The following PYROXD1 variants were observed in gnomAD, a reference collection of about 807,000 sequenced individuals.
PYROXD1 encodes the protein tRNA ligase complex-associated NAD(P)H dehydrogenase PYROXD1.
Under a neutral mutation model 62.0 loss-of-function variants are expected in PYROXD1, and 42 were observed. The observed-to-expected ratio is 0.68, with a 90% confidence interval of 0.53 to 0.88. The LOEUF is 0.88. Ranked by LOEUF, PYROXD1 falls within the 40% of genes least tolerant of loss-of-function variation. The pLI is 0.00. For missense variants in PYROXD1, 493 were observed against 604.8 expected (o/e 0.82, Z 1.94); for synonymous variants, 170 against 206.4 (o/e 0.82, Z 1.51).
Position 21,445,382 on chromosome 12 carries a change from A to C in PYROXD1, c.201A>C (p.Glu67Asp), listed in dbSNP as rs1300144917. ...TATTGGAAGAATTCGATGTTGAAGAACAATCAAGTACCATGTTAGGAAAAC... is the reference window on the plus strand; with the variant it reads ...TATTGGAAGAATTCGATGTTGAAGACCAATCAAGTACCATGTTAGGAAAAC... ...SKILEEFDVE[E>D]QSSTMLGKRF... is the part of the protein sequence containing the mutation. The change falls in exon 3 of 12, where the codon GAA becomes GAC. Residue 67 changes from glutamate to aspartate, a missense_variant. By Grantham distance (45) the Glu-to-Asp change is conservative. Around this residue, in one of 2 missense-constraint regions of PYROXD1, gnomAD observed 164 missense variants for 158.2 expected, o/e 1.04. Coordinates refer to ENST00000240651, the MANE Select transcript of PYROXD1 (RefSeq NM_024854.5). 2 of 1,605,564 alleles carry C rather than the reference A, an allele frequency of 1.2e-6. No homozygotes were observed. Among genetic ancestry groups the C allele is most frequent in the African/African-American group, 2.7e-5 (2 of 74,684 alleles).
intron 10 of PYROXD1, among the ~76,000 whole-genome samples, chr12:21,466,150 GCT>G (rs1271760244): frequency 6.7e-6 from 1 of 150,076 alleles, no homozygotes; most frequent in Non-Finnish European, 1.5e-5. Flanking sequence ...GGCGATGCGG[GCT>G]CTTTTTTGGT....
At chr12:21,444,713 T>C (rs1019316341) in intron 2 of PYROXD1, among the ~76,000 whole-genome samples, 11 of 152,156 alleles carry the variant, frequency 7.2e-5, no homozygotes, top group Admixed American at 2.0e-4. Context: ...TGCAGTAAGA[T>C]TTCCATGCAG....
chr12:21,457,464 C>A (rs1011842554), intron 7 of PYROXD1, among the ~76,000 whole-genome samples: 2 of 149,144 alleles, frequency 1.3e-5, no homozygotes, highest in Non-Finnish European at 3.0e-5. Context: ...CAGTAGGTCT[C>A]AATGGTGGGC....
chr12:21,457,794 T>C (rs1279896049), intron 7 of PYROXD1, among the ~76,000 whole-genome samples: 6 of 54,590 alleles, frequency 1.1e-4, no homozygotes, highest in African/African-American at 3.5e-4. Flanking sequence ...GCTAAACTAT[T>C]AGAAACTGTC....
chr12:21,437,675 T>C lies in PYROXD1; in HGVS notation c.-56T>C. On this transcript the variant is annotated 5_prime_UTR_variant, in exon 1 of 12. Transcript: ENST00000240651. ...CTCGCGGCTGCTTCCTCTCCTGGAG[T>C]CCAGAGTCCCGTTGCTCCGCCGCGA... 5.8e-6 allele frequency: 9 copies of C among 1,545,964 alleles called. No individual in the cohort carries two copies. Among genetic ancestry groups the C allele is most frequent in the South Asian group, 3.5e-5 (3 of 85,244 alleles).
Position 21,445,424 on chromosome 12 carries a change from G to A in PYROXD1, c.243G>A (p.Lys81=), listed in dbSNP as rs2137247729. ...TAGGAAAACGCTTTCCCAACATTAA[G>A]GTTATAGAATCTGGCGTAAAGCAAC... The part of the protein sequence containing the change: ...TMLGKRFPNI[K]VIESGVKQLK... Residue 81 remains lysine, a synonymous_variant, in exon 3 of 12, where the codon AAG becomes AAA. Coordinates refer to ENST00000240651, the MANE Select transcript of PYROXD1 (RefSeq NM_024854.5). The A allele has an allele frequency of 6.2e-7, 1 of 1,607,352 alleles. No homozygotes were observed. The highest frequency in any genetic ancestry group is 1.7e-5 in the Admixed American group (1 of 58,466).
chr12:21,448,639 T>G (rs904117998), intron 3 of PYROXD1, among the ~76,000 whole-genome samples: 1 of 152,254 alleles, frequency 6.6e-6, no homozygotes, highest in African/African-American at 2.4e-5. Flanking sequence ...AATGTCTCAT[T>G]GGATGTTAAG....
In PYROXD1 at chr12:21,470,838, C is replaced by T. The variant is rs1942932819; in HGVS notation, c.*2084C>T. 6 of 568,678 alleles carry T rather than the reference C, an allele frequency of 1.1e-5. No homozygotes were observed. The highest frequency in any genetic ancestry group is 2.0e-5 in the African/African-American group (1 of 51,046). The allele number at this position is 568,678 out of a possible 1,614,324, so 35.2% of individuals were successfully genotyped here. A position where few individuals can be genotyped will look rare whatever the true frequency, so the allele number is the denominator to read the frequency against. ...AAAACTATATTTTCTCTCTTCCATA[C>T]CCAGAAATCTAATCAGAAAACTGAC... On this transcript the variant is annotated 3_prime_UTR_variant, in exon 12 of 12. Coordinates refer to ENST00000240651, the MANE Select transcript of PYROXD1 (RefSeq NM_024854.5).
intron 1 of PYROXD1, 123 bp downstream of exon 1, chr12:21,437,937 C>T (rs1942222319): frequency 3.6e-6 from 3 of 843,710 alleles, no homozygotes; most frequent in Admixed American, 2.9e-5. Flanking sequence ...CGCCCTTTTC[C>T]GCACTTATTG....
At chr12:21,443,153 A>C (rs1942327534) in intron 2 of PYROXD1, among the ~76,000 whole-genome samples, 1 of 152,200 alleles carries the variant, frequency 6.6e-6, no homozygotes, top group Admixed American at 6.5e-5. Flanking sequence ...AAAAAGCTCG[A>C]GTTGAGAATT....
chr12:21,440,370 G>T lies in PYROXD1; in HGVS notation c.87G>T (p.Leu29Phe). Residue 29 changes from leucine to phenylalanine, a missense_variant and splice_region_variant, in exon 2 of 12, where the codon TTG becomes TTT. Around this residue, in one of 2 missense-constraint regions of PYROXD1, gnomAD observed 164 missense variants for 158.2 expected, o/e 1.04. Coordinates refer to ENST00000240651, the MANE Select transcript of PYROXD1 (RefSeq NM_024854.5). The stretch of plus-strand genomic sequence containing the variant: ...TTTTCTCTCTTTTTAAAAATAAGTT[G>T]GCTACTCACTTTCCATCGGAAGATA... ...GIAGVTCAEQ[L>F]ATHFPSEDIL... 1 of 1,571,794 alleles carries T rather than the reference G, an allele frequency of 6.4e-7. No individual in the cohort carries two copies. The highest frequency in any genetic ancestry group is 8.7e-7 in the Non-Finnish European group (1 of 1,152,026).
At chr12:21,458,188 T>C (rs1259116609) in intron 7 of PYROXD1, among the ~76,000 whole-genome samples, 1 of 152,194 alleles carries the variant, frequency 6.6e-6, no homozygotes, top group Non-Finnish European at 1.5e-5. Context: ...TCATCAGTTA[T>C]CAATTGTATA....
In PYROXD1 at chr12:21,437,812, C is replaced by G; in HGVS notation, c.82C>G (p.Gln28Glu). Residue 28 changes from glutamine to glutamate, a missense_variant and splice_region_variant, in exon 1 of 12, where the codon CAG (glutamine) becomes GAG (glutamate). By Grantham distance (29) the Gln-to-Glu change is conservative (BLOSUM62 2). Around this residue, in one of 2 missense-constraint regions of PYROXD1, gnomAD observed 164 missense variants for 158.2 expected, o/e 1.04. Coordinates refer to ENST00000240651, the MANE Select transcript of PYROXD1 (RefSeq NM_024854.5). Reference protein sequence around the residue: ...GGIAGVTCAEQLATHFPSEDI... With the variant: ...GGIAGVTCAEELATHFPSEDI... ...CATCGCGGGCGTCACTTGTGCGGAG[C>G]AGGTAGGGCGGTGCTCAGGCGGTTC... is the stretch of plus-strand genomic sequence containing the variant. 6.2e-7 allele frequency: 1 copy of G among 1,612,160 alleles called. No homozygotes were observed. Among genetic ancestry groups the G allele is most frequent in the African/African-American group, 1.3e-5 (1 of 75,068 alleles).
chr12:21,461,277 A>G, intron 8 of PYROXD1, 123 bp downstream of exon 8: 1 of 612,010 alleles, frequency 1.6e-6, no homozygotes. Context: ...ATGAAAAGTA[A>G]AAATAAAACC....
At position 21,467,585 on chromosome 12, in the gene PYROXD1, G is replaced by A. The variant is rs778413242; in HGVS notation, c.1221G>A (p.Leu407=). 1 of 1,611,468 alleles carries A rather than the reference G, an allele frequency of 6.2e-7. No homozygotes were observed. The change falls in exon 11 of 12, where the codon CTG becomes CTA. Residue 407 remains leucine (L), a synonymous_variant. Transcript: ENST00000240651. The stretch of plus-strand genomic sequence containing the variant: ...TTGACATGGATTTCAGCTTTGAACT[G>A]TTTGCTCATGTGACAAAATTTTTTA... ...DSIDMDFSFE[L]FAHVTKFFNY... is the part of the protein sequence containing the mutation.
At chr12:21,458,864 T>A (rs1942645626) in intron 7 of PYROXD1, among the ~76,000 whole-genome samples, 1 of 152,176 alleles carries the variant, frequency 6.6e-6, no homozygotes, top group Non-Finnish European at 1.5e-5. Context: ...CTAATAATGA[T>A]GAAAACTGAA....
rs1458972972 is a variant in PYROXD1, at chr12:21,471,041, T to G, written c.*2287T>G. 6.2e-7 allele frequency: 1 copy of G among 1,602,396 alleles called. No homozygotes were observed. The highest frequency in any genetic ancestry group is 1.3e-5 in the African/African-American group (1 of 74,088). On this transcript the variant is annotated 3_prime_UTR_variant, in exon 12 of 12. Coordinates refer to ENST00000240651, the MANE Select transcript of PYROXD1 (RefSeq NM_024854.5). ...GTGCCTCATTGTTCAGAAGATTAGC[T>G]TTAGGTCCTATTTTCAAATACGAAA...
intron 2 of PYROXD1, among the ~76,000 whole-genome samples, chr12:21,441,644 A>C (rs1942297783): frequency 6.6e-6 from 1 of 151,798 alleles, no homozygotes; most frequent in African/African-American, 2.4e-5. Context: ...TAACTTTTTA[A>C]ATTTTTTGTT....
Position 21,471,223 on chromosome 12 carries a change from A to C in PYROXD1, c.*2469A>C. 1 of 1,100,434 alleles carries C rather than the reference A, an allele frequency of 9.1e-7. No homozygotes were observed. The highest frequency in any genetic ancestry group is 1.3e-6 in the Non-Finnish European group (1 of 786,114). The allele number at this position is 1,100,434 out of a possible 1,614,324, so 68.2% of individuals were successfully genotyped here. On this transcript the variant is annotated 3_prime_UTR_variant, in exon 12 of 12. Transcript: ENST00000240651. ...TTGACTTGAAATAATAAAATTTACAAGAATGCAAATAAAGCCTTTAAAGAA... is the reference window on the plus strand; with the variant it reads ...TTGACTTGAAATAATAAAATTTACACGAATGCAAATAAAGCCTTTAAAGAA...
Sources: gnomAD v4.1 joint callset for allele counts (sites outside exome capture counted in the v4.1 genomes callset) on GRCh38, gnomAD v4.1.1 for gene constraint, gnomAD v4.1.1 regional missense constraint, MANE v1.5 for transcripts, NCBI Gene and HGNC (gene_info 2026-07-23, HGNC 2026-07-21) for gene names.